Variants in ZFAND3 observed in about 807,000 individuals in gnomAD.
ZFAND3 encodes zinc finger AN1-type containing 3.
Under a neutral mutation model 29.6 loss-of-function variants are expected in ZFAND3, and 10 were observed. The ratio of observed to expected loss-of-function variants is 0.34; its 90% CI spans 0.21 to 0.57. The LOEUF is 0.57. Ranked by LOEUF, ZFAND3 falls within the 20% of genes least tolerant of loss-of-function variation. The probability of loss-of-function intolerance (pLI) is 0.86; values close to 1 mark genes in which losing one functional copy is unlikely to be tolerated. For missense variants in ZFAND3, 230 were observed against 304.5 expected, an observed-to-expected ratio of 0.76 and a Z score of 1.82; for synonymous variants, 128 against 112.6, an observed-to-expected ratio of 1.14 and a Z score of -0.87.
At chr6:38,104,523 C>T (rs1765170696) in intron 4 of ZFAND3, among the ~76,000 whole-genome samples, 1 of 151,946 alleles carries the variant, frequency 6.6e-6, no homozygotes, top group Non-Finnish European at 1.5e-5. Context: ...ATGCAAGTAT[C>T]TAAATCCAAG....
intron 2 of ZFAND3, among the ~76,000 whole-genome samples, chr6:37,990,338 A>G (rs1458558256): frequency 6.6e-6 from 1 of 152,118 alleles, no homozygotes; most frequent in African/African-American, 2.4e-5. Context: ...TTTTGTGTGT[A>G]TATTCCCCCT....
intron 1 of ZFAND3, among the ~76,000 whole-genome samples, chr6:37,854,764 GCCCC>G (rs5875599): frequency 8.2e-6 from 1 of 122,260 alleles, no homozygotes; most frequent in Non-Finnish European, 1.7e-5. Flanking sequence ...AGGCTAAAAT[GCCCC>G]CCCCCCCCTT....
chr6:37,964,640 A>G (rs1011255128), intron 2 of ZFAND3, among the ~76,000 whole-genome samples: 7 of 152,112 alleles, frequency 4.6e-5, no homozygotes, highest in African/African-American at 1.7e-4. Context: ...TAAGTAGACT[A>G]CTCTCTTATA....
chr6:37,830,227 G>A (rs1237387522), intron 1 of ZFAND3, among the ~76,000 whole-genome samples: 1 of 152,174 alleles, frequency 6.6e-6, no homozygotes, highest in Non-Finnish European at 1.5e-5. Flanking sequence ...AAAGGACACA[G>A]AAGGTGGTCA....
At chr6:37,872,871 A>G (rs1167783609) in intron 1 of ZFAND3, among the ~76,000 whole-genome samples, 10 of 152,256 alleles carry the variant, frequency 6.6e-5, no homozygotes, top group Admixed American at 2.6e-4. Flanking sequence ...ATGTGTATGC[A>G]TTTCTGCAAC....
intron 5 of ZFAND3, among the ~76,000 whole-genome samples, chr6:38,124,540 T>C (rs1765596380): frequency 6.6e-6 from 1 of 152,064 alleles, no homozygotes; most frequent in African/African-American, 2.4e-5. Context: ...GCCGCACTGC[T>C]GGGGGATCTG....
intron 5 of ZFAND3, among the ~76,000 whole-genome samples, chr6:38,133,134 A>G (rs1765773992): frequency 6.6e-6 from 1 of 152,192 alleles, no homozygotes; most frequent in African/African-American, 2.4e-5. Context: ...CCCCTGAGAC[A>G]GCTCAACAGT....
intron 1 of ZFAND3, among the ~76,000 whole-genome samples, chr6:37,820,535 C>G (rs1312060980): frequency 6.6e-6 from 1 of 152,236 alleles, no homozygotes; most frequent in Admixed American, 6.5e-5. Flanking sequence ...GGAAGCTATT[C>G]ACACGTCACC....
At position 38,077,513 on chromosome 6, in the gene ZFAND3, G is replaced by A. The variant is rs910221595; in HGVS notation, c.296-4879G>A. 3.9e-5 allele frequency among the ~76,000 whole-genome samples: 6 copies of A among 152,220 alleles called. 1 individual carries two copies. Among genetic ancestry groups the A allele is most frequent in the Non-Finnish European group, 5.9e-5 (4 of 68,046 alleles). On this transcript the variant is annotated intron_variant, in intron 3 of 5. Coordinates refer to ENST00000287218, the MANE Select transcript of ZFAND3 (RefSeq NM_021943.3). ...TATTTTTGAGTATTAATGTTTTACAGTTACTATGAAAGGACTGATAGTAGA... is the reference window on the plus strand; with the variant it reads ...TATTTTTGAGTATTAATGTTTTACAATTACTATGAAAGGACTGATAGTAGA...
intron 1 of ZFAND3, among the ~76,000 whole-genome samples, chr6:37,891,444 A>G (rs2127396549): frequency 6.9e-6 from 1 of 144,230 alleles, no homozygotes; most frequent in South Asian, 2.3e-4. Flanking sequence ...AAATACAAAA[A>G]TTAGCCGGGT....
chr6:37,952,015 T>C (rs974131902), intron 2 of ZFAND3, among the ~76,000 whole-genome samples: 1 of 152,258 alleles, frequency 6.6e-6, no homozygotes, highest in Non-Finnish European at 1.5e-5. Context: ...TTACTGATTT[T>C]TGTATGTTGA....
chr6:37,970,489 T>C (rs1384004072), intron 2 of ZFAND3, among the ~76,000 whole-genome samples: 1 of 152,136 alleles, frequency 6.6e-6, no homozygotes, highest in Non-Finnish European at 1.5e-5. Flanking sequence ...GTGGCAAGAA[T>C]TACCTGGTGT....
At position 37,869,497 on chromosome 6, in the gene ZFAND3, T is replaced by C. The variant is rs907054869; in HGVS notation, c.71+49481T>C. 2.6e-5 allele frequency among the ~76,000 whole-genome samples: 4 copies of C among 152,148 alleles called. No individual in the cohort carries two copies. The East Asian group carries it at 7.7e-4, about 29-fold the overall frequency. On this transcript the variant is annotated intron_variant, in intron 1 of 5. Coordinates refer to ENST00000287218, the MANE Select transcript of ZFAND3 (RefSeq NM_021943.3). ...CATTCATGATATTGGTTAATCTGTA[T>C]TTATCAAGTTTGTTAATTTTTTTTT...
rs895439511 is a variant in ZFAND3 at position 37,851,875 on chromosome 6, T to A, written c.71+31859T>A. On this transcript the variant is annotated intron_variant, in intron 1 of 5. Transcript: ENST00000287218. Reference sequence around the variant, plus strand: ...ACATTGCCTGTTTGAGCTCCCTCAGTAGCTCAATTTCTGTTGTTGTTTTTG... The same window carrying A: ...ACATTGCCTGTTTGAGCTCCCTCAGAAGCTCAATTTCTGTTGTTGTTTTTG... 7.2e-5 allele frequency among the ~76,000 whole-genome samples: 11 copies of A among 152,356 alleles called. 1 individual carries two copies. Among genetic ancestry groups the A allele is most frequent in the Admixed American group, 3.3e-4 (5 of 15,306 alleles).
At chr6:37,866,920 A>G (rs183294064) in intron 1 of ZFAND3, among the ~76,000 whole-genome samples, 117 of 152,330 alleles carry the variant, frequency 7.7e-4, no homozygotes, top group African/African-American at 2.7e-3. Flanking sequence ...GGACTGCTTT[A>G]CTAAGGACCT....
chr6:38,041,681 T>C (rs6912474), intron 2 of ZFAND3, among the ~76,000 whole-genome samples: 2,343 of 13,570 alleles, frequency 0.17, 130 homozygotes, highest in South Asian at 0.29. Context: ...TTCTTCTTCT[T>C]CTTCTCCTTC....
At chr6:37,887,842 A>G (rs578246322) in intron 1 of ZFAND3, among the ~76,000 whole-genome samples, 14 of 152,222 alleles carry the variant, frequency 9.2e-5, no homozygotes, top group Non-Finnish European at 2.1e-4. Flanking sequence ...ATTCTTTGAG[A>G]TATTAATGTA....
chr6:37,882,653 C>G (rs553753002), intron 1 of ZFAND3, among the ~76,000 whole-genome samples: 24 of 151,834 alleles, frequency 1.6e-4, no homozygotes, highest in African/African-American at 5.8e-4. Context: ...TTGTGCCCCC[C>G]ACCCTTCCAC....
At chr6:37,980,752 C>T (rs1054998211) in intron 2 of ZFAND3, among the ~76,000 whole-genome samples, 7 of 152,094 alleles carry the variant, frequency 4.6e-5, no homozygotes, top group East Asian at 1.9e-4. Flanking sequence ...CATGATCTAT[C>T]GTACAATATT....
Sources: gnomAD v4.1 joint callset for allele counts (sites outside exome capture counted in the v4.1 genomes callset) on GRCh38, gnomAD v4.1.1 for gene constraint, MANE v1.5 for transcripts, NCBI Gene and HGNC (gene_info 2026-07-23, HGNC 2026-07-21) for gene names.